The following PBRM1 variants were observed in gnomAD, a reference collection of about 807,000 sequenced individuals.
The protein encoded by PBRM1 is protein polybromo-1.
In PBRM1, 27 loss-of-function variants were observed where a neutral mutation model predicts 194.5. The observed-to-expected ratio is 0.14, with a 90% CI of 0.10 to 0.19. PBRM1 has a LOEUF of 0.19. Among genes scored for constraint, PBRM1 ranks in the 10% least tolerant of loss-of-function variants. The pLI is 1.00. For synonymous variants in PBRM1, 655 were observed against 693.2 expected (o/e 0.94, Z 0.87); for missense variants, 1,466 against 2,077.2 (o/e 0.71, Z 5.72).
At chr3:52,560,541 G>T (rs184800435) in intron 25 of PBRM1, 1 of 152,296 alleles carries the variant, frequency 6.6e-6, no homozygotes, top group Admixed American at 6.5e-5. Flanking sequence ...TTTACTGGTG[G>T]TCTTAAAGCC....
At chr3:52,653,827 T>C (rs1002253359) in intron 5 of PBRM1, among the ~76,000 whole-genome samples, 5 of 151,932 alleles carry the variant, frequency 3.3e-5, no homozygotes, top group Non-Finnish European at 5.9e-5. Flanking sequence ...GGAGAATCGC[T>C]TGAACCTGGG....
intron 14 of PBRM1, among the ~76,000 whole-genome samples, chr3:52,615,690 T>C (rs2094915729): frequency 6.6e-6 from 1 of 152,206 alleles, no homozygotes; most frequent in African/African-American, 2.4e-5. Context: ...TGCATGTTAA[T>C]GTTTGAGAAC....
downstream of PBRM1, chr3:52,547,279 G>A (rs116832639): frequency 3.0e-3 from 697 of 232,976 alleles, 2 homozygotes; most frequent in Admixed American, 3.4e-3. Flanking sequence ...GGTTGTGCAC[G>A]TGTTCTGCAA....
At chr3:52,603,559 A>G (rs1001681503) in exon 17 of PBRM1, 2 of 1,601,836 alleles carry the variant, frequency 1.2e-6, no homozygotes, top group South Asian at 1.1e-5. Context: ...ATCTTCCTCT[A>G]TTTCTTTTGG....
At chr3:52,685,216 C>T (rs1393774004) in intron 1 of PBRM1, among the ~76,000 whole-genome samples, 1 of 152,152 alleles carries the variant, frequency 6.6e-6, no homozygotes, top group Admixed American at 6.5e-5. Context: ...AACTGTGCTT[C>T]CCCAAACCAA....
intron 11 of PBRM1, among the ~76,000 whole-genome samples, chr3:52,630,356 A>G (rs1033863671): frequency 2.0e-5 from 3 of 152,132 alleles, no homozygotes; most frequent in Non-Finnish European, 4.4e-5. Flanking sequence ...AGATCTTCCT[A>G]GGGGTACACT....
intron 17 of PBRM1, among the ~76,000 whole-genome samples, chr3:52,591,666 C>G (rs1336478717): frequency 1.3e-5 from 2 of 151,072 alleles, no homozygotes; most frequent in African/African-American, 2.4e-5. Flanking sequence ...ATTACAGATG[C>G]CCACCACCAT....
chr3:52,622,293 G>A (rs898401476), intron 13 of PBRM1, among the ~76,000 whole-genome samples: 1 of 151,976 alleles, frequency 6.6e-6, no homozygotes, highest in Non-Finnish European at 1.5e-5. Flanking sequence ...AGCCAAGATC[G>A]TGCCACTGCA....
At chr3:52,628,293 C>T (rs1389757325) in intron 12 of PBRM1, among the ~76,000 whole-genome samples, 2 of 150,988 alleles carry the variant, frequency 1.3e-5, no homozygotes, top group African/African-American at 4.9e-5. Flanking sequence ...GGGACCAATC[C>T]CTGCTTCCTC....
At chr3:52,567,565 C>CAAA (rs10644120) in intron 22 of PBRM1, among the ~76,000 whole-genome samples, 8,863 of 91,426 alleles carry the variant, frequency 0.097, 493 homozygotes, top group East Asian at 0.22. Flanking sequence ...TAGGTAATCT[C>CAAA]AAAAAAAAAA....
At chr3:52,555,809 G>A (rs2082104968) in intron 26 of PBRM1, among the ~76,000 whole-genome samples, 1 of 152,156 alleles carries the variant, frequency 6.6e-6, no homozygotes. Flanking sequence ...CTAGAGAAGA[G>A]TTTCAGCAAA....
At chr3:52,572,883 T>C (rs930571798) in intron 22 of PBRM1, among the ~76,000 whole-genome samples, 1 of 152,226 alleles carries the variant, frequency 6.6e-6, no homozygotes, top group Non-Finnish European at 1.5e-5. Flanking sequence ...GTTAATACAA[T>C]GAAATTATAA....
At chr3:52,581,718 A>G (rs1383139514) in intron 20 of PBRM1, among the ~76,000 whole-genome samples, 1 of 149,126 alleles carries the variant, frequency 6.7e-6, no homozygotes, top group Non-Finnish European at 1.5e-5. Context: ...GCTCACTGCA[A>G]CCTCTCCCTC....
chr3:52,604,223 C>T (rs778025940), intron 16 of PBRM1, among the ~76,000 whole-genome samples: 5 of 152,160 alleles, frequency 3.3e-5, no homozygotes, highest in East Asian at 1.9e-4. Flanking sequence ...CTGTGAATAT[C>T]GGAACCTAAA....
At chr3:52,668,866 G>A (rs2096893693) in intron 2 of PBRM1, among the ~76,000 whole-genome samples, 1 of 150,848 alleles carries the variant, frequency 6.6e-6, no homozygotes, top group Non-Finnish European at 1.5e-5. Flanking sequence ...CAAAACATAC[G>A]TTAATGATAT....
chr3:52,603,460 T>A (rs558854309), intron 17 of PBRM1, 61 bp downstream of exon 19: 235 of 1,525,334 alleles, frequency 1.5e-4, no homozygotes, highest in Admixed American at 2.7e-4. Flanking sequence ...CACAGCTAAT[T>A]ATGAGAACAC....
intron 2 of PBRM1, among the ~76,000 whole-genome samples, chr3:52,674,643 AATAT>A (rs1189318541): frequency 6.8e-4 from 49 of 72,380 alleles, no homozygotes; most frequent in Middle Eastern, 8.9e-3. Flanking sequence ...AAAAAAAAAA[AATAT>A]ATATATATAT....
chr3:52,579,966 G>A (rs1020552155), intron 20 of PBRM1, among the ~76,000 whole-genome samples: 11 of 152,192 alleles, frequency 7.2e-5, no homozygotes, highest in Admixed American at 1.3e-4. Context: ...ATTTAGGCCA[G>A]GCACAGTGGC....
chr3:52,572,879 A>G (rs534415909), intron 22 of PBRM1, among the ~76,000 whole-genome samples: 1 of 152,356 alleles, frequency 6.6e-6, no homozygotes, highest in Admixed American at 6.5e-5. Flanking sequence ...TAGAGTTAAT[A>G]CAATGAAATT....
Sources: allele counts gnomAD v4.1 joint callset (sites outside exome capture counted in the v4.1 genomes callset), GRCh38; gene constraint gnomAD v4.1.1; transcripts MANE v1.5; gene names NCBI Gene and HGNC (gene_info 2026-07-23, HGNC 2026-07-21).